Variants in PLCH2 observed in about 807,000 individuals in gnomAD.
PLCH2 encodes the protein 1-phosphatidylinositol 4,5-bisphosphate phosphodiesterase eta-2.
PLCH2 carries 98 observed loss-of-function variants against 134.7 expected under a neutral mutation model. That is an observed-to-expected ratio of 0.73 (90% confidence interval 0.62 to 0.86). The LOEUF is 0.86. PLCH2 is among the 40% of genes least tolerant of loss of function. The pLI is 0.00. For missense variants in PLCH2, 1,994 were observed against 1,986.6 expected (o/e 1.00, Z -0.07); for synonymous variants, 974 against 827.5 (o/e 1.18, Z -3.04).
intron 8 of PLCH2, among the ~76,000 whole-genome samples, chr1:2,488,477 G>T (rs535770125): frequency 1.3e-5 from 2 of 152,210 alleles, no homozygotes; most frequent in Non-Finnish European, 2.9e-5. Context: ...CCTGAGAAGT[G>T]GGGGAATGAG....
rs1483689732 is a variant in PLCH2, at chr1:2,479,623, C to T, written c.272-111C>T. The T allele has an allele frequency of 5.1e-6, 6 of 1,188,062 alleles. No individual in the cohort carries two copies. In the Admixed American group the frequency reaches 1.5e-4, roughly 30 times the overall value. The allele number at this position is 1,188,062 out of a possible 1,614,324, so 73.6% of individuals were successfully genotyped here. ...ACCCTGAGCCCTGCCGAGGGTCCCG[C>T]AAAGGTGGGCAAGGAGCTCCCGGCT... On this transcript the variant is annotated intron_variant, in intron 2 of 21. Transcript: ENST00000378486.
At chr1:2,424,954 C>G (rs1638706500), upstream of PLCH2, among the ~76,000 whole-genome samples, 1 of 152,102 alleles carries the variant, frequency 6.6e-6, no homozygotes, top group Non-Finnish European at 1.5e-5. Context: ...CCACTGCACT[C>G]CATCCTGGGC....
At chr1:2,499,316 T>C in intron 19 of PLCH2, 86 bp downstream of exon 19, 1 of 1,470,706 alleles carries the variant, frequency 6.8e-7, no homozygotes, top group Non-Finnish European at 9.3e-7. Flanking sequence ...AGTCAGTGCC[T>C]GTGTAGGTGG....
rs556202320 is a variant in PLCH2, at chr1:2,482,813, C to T, written c.646-1635C>T. 1.5e-3 allele frequency among the ~76,000 whole-genome samples: 222 copies of T among 152,296 alleles called. 1 individual carries two copies. Among genetic ancestry groups the T allele is most frequent in the African/African-American group, 4.9e-3 (203 of 41,574 alleles). ...CTGGTGGCTGCTGCTGTCCATGGTG[C>T]CGAGCCGGCCCTGGTTCCTGCTCAG... On this transcript the variant is annotated intron_variant, in intron 4 of 21. Transcript: ENST00000378486.
intron 10 of PLCH2, 32 bp from the exon 11 acceptor site, chr1:2,491,160 G>C (rs753003873): frequency 1.9e-6 from 3 of 1,601,038 alleles, no homozygotes; most frequent in Admixed American, 1.7e-5. Context: ...GCTCGGGACA[G>C]ATGCCAACAG....
At chr1:2,486,843 G>T in intron 5 of PLCH2, 64 bp from the exon 6 acceptor site, 2 of 1,261,648 alleles carry the variant, frequency 1.6e-6, no homozygotes, top group Non-Finnish European at 1.1e-6. Context: ...TGATGGGGGA[G>T]CTGCCTGAGG....
chr1:2,456,543 G>A (rs897535212), intron 2 of PLCH2, among the ~76,000 whole-genome samples: 5 of 152,230 alleles, frequency 3.3e-5, no homozygotes, highest in Non-Finnish European at 5.9e-5. Flanking sequence ...GAGGTCACCG[G>A]GGTGGCTCGT....
At chr1:2,473,887 G>A (rs959125301), upstream of PLCH2, among the ~76,000 whole-genome samples, 1 of 152,246 alleles carries the variant, frequency 6.6e-6, no homozygotes, top group African/African-American at 2.4e-5. Flanking sequence ...CCCACAGCCA[G>A]GTGCATTGCT....
At chr1:2,446,509 C>T (rs1318616933) in intron 2 of PLCH2, among the ~76,000 whole-genome samples, 1 of 152,232 alleles carries the variant, frequency 6.6e-6, no homozygotes, top group Non-Finnish European at 1.5e-5. Flanking sequence ...GGAGGCGGGG[C>T]AGCTCCGACT....
At chr1:2,472,853 T>C (rs1347139754), upstream of PLCH2, among the ~76,000 whole-genome samples, 2 of 149,600 alleles carry the variant, frequency 1.3e-5, no homozygotes, top group African/African-American at 5.1e-5. Flanking sequence ...GCATGTGCAG[T>C]CCCCATGCCC....
rs145614588 is a variant in PLCH2, at chr1:2,497,397, T to C, written c.2117-105T>C. The stretch of plus-strand genomic sequence containing the variant: ...GGGTGAACGAGGGGCAGACGGCAGA[T>C]ACGCGGCAGCTGTGCAGGGGAGGCT... On this transcript the variant is annotated intron_variant, in intron 15 of 21. Coordinates refer to ENST00000378486, the MANE Select transcript of PLCH2 (RefSeq NM_014638.4). 4.8e-4 allele frequency: 358 copies of C among 747,814 alleles called. 1 individual carries two copies. In the African/African-American group the frequency reaches 5.7e-3, roughly 12 times the overall value. 46.3% of individuals were successfully genotyped at this position (747,814 alleles called of 1,614,324 possible).
In PLCH2 at chr1:2,431,251, A is replaced by AGCGTGTGT. The variant is rs1223469701; in HGVS notation, c.115+639_115+646dup. Among the ~76,000 whole-genome samples the AGCGTGTGT allele has an allele frequency of 1.7e-4, 26 of 151,012 alleles. 1 individual carries two copies. The South Asian group carries it at 5.0e-3, about 29-fold the overall frequency. ...CCAGGCAAGAACCATGGCAGTGGTGAGCGTGTGTGCGTGTGTGCGTGTGTC... is the reference window on the plus strand; with the variant it reads ...CCAGGCAAGAACCATGGCAGTGGTGAGCGTGTGTGCGTGTGTGCGTGTGTGCGTGTGTC... On this transcript the variant is annotated intron_variant, in intron 2 of 3. Coordinates refer to the PLCH2 transcript ENST00000609981.
intron 1 of PLCH2, among the ~76,000 whole-genome samples, chr1:2,468,029 G>T (rs1356739348): frequency 6.6e-6 from 1 of 152,206 alleles, no homozygotes; most frequent in African/African-American, 2.4e-5. Context: ...GCCAGCACGG[G>T]TCCTGACCTC....
chr1:2,480,361 G>T, intron 4 of PLCH2, 49 bp downstream of exon 4: 2 of 1,585,502 alleles, frequency 1.3e-6, no homozygotes, highest in Middle Eastern at 3.5e-4. Context: ...GGCTGCACGG[G>T]GGCTGTGCTT....
Position 2,478,425 on chromosome 1 carries a change from T to C in PLCH2, c.125-51T>C, listed in dbSNP as rs578119409. ...CCTCCGCTGACGGCCGTGTCTCTCC[T>C]GCGAGGAGTGGCTGTGCCTCCGCTG... On this transcript the variant is annotated intron_variant, in intron 1 of 21. Transcript: ENST00000378486. 6 of 1,596,120 alleles carry C rather than the reference T, an allele frequency of 3.8e-6. No homozygotes were observed. In the Admixed American group the frequency reaches 5.0e-5, roughly 13 times the overall value.
At position 2,455,583 on chromosome 1, in the gene PLCH2, A is replaced by G. The variant is rs943990676; in HGVS notation, c.116-22893A>G. Among the ~76,000 whole-genome samples the G allele has an allele frequency of 3.3e-5, 5 of 152,134 alleles. No homozygotes were observed. The South Asian group carries it at 6.2e-4, about 19-fold the overall frequency. On this transcript the variant is annotated intron_variant, in intron 2 of 3. Coordinates refer to the PLCH2 transcript ENST00000609981. Reference sequence around the variant, plus strand: ...GTGTGAAGGATGCTCTGTGGCCACCATAGCTGGAGCAGCTGCCTGTGGGGG... The same window carrying G: ...GTGTGAAGGATGCTCTGTGGCCACCGTAGCTGGAGCAGCTGCCTGTGGGGG...
At chr1:2,440,123 T>C (rs111768234) in intron 2 of PLCH2, among the ~76,000 whole-genome samples, 8,071 of 152,134 alleles carry the variant, frequency 0.053, 746 homozygotes, top group African/African-American at 0.18. Context: ...GGGCCCTGGG[T>C]GCCAGGCTGA....
Position 2,499,169 on chromosome 1 carries a change from C to T in PLCH2, c.2520C>T (p.His840=), listed in dbSNP as rs762303671. Residue 840 remains histidine, a synonymous_variant, in exon 19 of 22, where the codon CAC becomes CAT. Coordinates refer to ENST00000378486, the MANE Select transcript of PLCH2 (RefSeq NM_014638.4). ...IALVRFLVWD[H]DPIGRDFIGQ... The stretch of plus-strand genomic sequence containing the variant: ...TGGTCCGCTTCCTCGTCTGGGACCA[C>T]GATCCCATCGGGCGTGACTTCATTG... 81 of 1,613,040 alleles carry T rather than the reference C, an allele frequency of 5.0e-5. No homozygotes were observed. Among genetic ancestry groups the T allele is most frequent in the Non-Finnish European group, 5.8e-5 (68 of 1,179,754 alleles).
In PLCH2 at chr1:2,476,613, G is replaced by A. The variant is rs371964432; in HGVS notation, c.25G>A (p.Asp9Asn). 2.6e-5 allele frequency: 41 copies of A among 1,588,530 alleles called. No homozygotes were observed. The highest frequency in any genetic ancestry group is 4.6e-5 in the East Asian group (2 of 43,732). The stretch of plus-strand genomic sequence containing the variant: ...CATGTCTGGTCCATGGCCCTCCCCC[G>A]ACAGCCGGACCAAGGGAACGGTGGC... MSGPWPSP[D>N]SRTKGTVAWL... The change falls in exon 1 of 22, where the codon GAC becomes AAC. Residue 9 changes from aspartate to asparagine, a missense_variant. Physicochemically the swap from Asp to Asn is conservative, Grantham distance 23. Coordinates refer to ENST00000378486, the MANE Select transcript of PLCH2 (RefSeq NM_014638.4).
Sources: allele counts gnomAD v4.1 joint callset (sites outside exome capture counted in the v4.1 genomes callset), GRCh38; gene constraint gnomAD v4.1.1; transcripts MANE v1.5; gene names NCBI Gene and HGNC (gene_info 2026-07-23, HGNC 2026-07-21).